The following PDE3A variants were observed in gnomAD, a reference collection of about 807,000 sequenced individuals.
PDE3A encodes the protein cGMP-inhibited 3',5'-cyclic phosphodiesterase 3A.
PDE3A carries 43 observed loss-of-function variants against 98.3 expected under a neutral mutation model. The observed-to-expected ratio is 0.44, with a 90% CI of 0.34 to 0.56. The LOEUF (loss-of-function observed/expected upper bound fraction) is 0.56. Among genes scored for constraint, PDE3A ranks in the 20% least tolerant of loss-of-function variants. The probability of loss-of-function intolerance (pLI) is 0.01; values close to 1 mark genes in which losing one functional copy is unlikely to be tolerated. For missense variants in PDE3A, 1,427 were observed against 1,440.7 expected (o/e 0.99, Z 0.15); for synonymous variants, 663 against 567.9 (o/e 1.17, Z -2.38).
chr12:20,674,063 A>AT (rs1945568765), intron 15 of PDE3A, among the ~76,000 whole-genome samples: 2 of 151,870 alleles, frequency 1.3e-5, no homozygotes, highest in Admixed American at 1.3e-4. Flanking sequence ...TTTATTTCTA[A>AT]TTTTTTATAG....
At chr12:20,521,079 A>T (rs929361929) in intron 1 of PDE3A, among the ~76,000 whole-genome samples, 19 of 150,988 alleles carry the variant, frequency 1.3e-4, no homozygotes, top group African/African-American at 4.6e-4. Flanking sequence ...TATTTGTTGT[A>T]TACCTTTTCC....
rs1281709699 is a variant in PDE3A at position 20,412,142 on chromosome 12, G to GTA, written c.960+41899_960+41900dup. 2.6e-5 allele frequency among the ~76,000 whole-genome samples: 4 copies of GTA among 152,226 alleles called. No individual in the cohort carries two copies. In the East Asian group the frequency reaches 7.7e-4, roughly 29 times the overall value. ...TTTAAACACTGTTGTTGACTGTGTT[G>GTA]TACTGGTTAGAAGCCATATTAACTA... On this transcript the variant is annotated intron_variant, in intron 1 of 15. Transcript: ENST00000359062.
At chr12:20,675,827 C>T (rs1415441324) in intron 15 of PDE3A, among the ~76,000 whole-genome samples, 1 of 152,116 alleles carries the variant, frequency 6.6e-6, no homozygotes, top group East Asian at 1.9e-4. Flanking sequence ...TCTTTCACTT[C>T]TAGTCTATAT....
intron 1 of PDE3A, among the ~76,000 whole-genome samples, chr12:20,445,002 AG>A (rs1944931835): frequency 6.6e-6 from 1 of 152,254 alleles, no homozygotes; most frequent in Non-Finnish European, 1.5e-5. Flanking sequence ...GTCAAGCCTT[AG>A]AAAACACCTC....
intron 15 of PDE3A, among the ~76,000 whole-genome samples, chr12:20,667,036 G>A (rs1262441278): frequency 6.6e-6 from 1 of 152,164 alleles, no homozygotes; most frequent in Non-Finnish European, 1.5e-5. Context: ...GTGATATTGA[G>A]CATTTTTTCA....
chr12:20,601,579 G>A (rs1943592820), intron 2 of PDE3A, among the ~76,000 whole-genome samples: 1 of 152,154 alleles, frequency 6.6e-6, no homozygotes. Flanking sequence ...AATTGTGCAT[G>A]GGAAGAAGTC....
chr12:20,573,857 C>T lies in PDE3A; in HGVS notation c.1011+17147C>T, dbSNP rs531440683. Among the ~76,000 whole-genome samples, 34 of 152,058 alleles carry T rather than the reference C, an allele frequency of 2.2e-4. No individual in the cohort carries two copies. In the South Asian group the frequency reaches 2.3e-3, roughly 10 times the overall value. Reference sequence around the variant, plus strand: ...TTTAAATAACTACAAGGTCAATCTTCGAGTAGTGGGTTTTCCAAACAGTCT... The same window carrying T: ...TTTAAATAACTACAAGGTCAATCTTTGAGTAGTGGGTTTTCCAAACAGTCT... On this transcript the variant is annotated intron_variant, in intron 2 of 15. Transcript: ENST00000359062.
chr12:20,633,376 C>A (rs1231169158), intron 6 of PDE3A, among the ~76,000 whole-genome samples: 2 of 152,058 alleles, frequency 1.3e-5, no homozygotes, highest in Admixed American at 6.6e-5. Context: ...GCAGCCTATA[C>A]CAGTATTCTC....
At chr12:20,585,238 A>G (rs978936022) in intron 2 of PDE3A, among the ~76,000 whole-genome samples, 9 of 152,316 alleles carry the variant, frequency 5.9e-5, no homozygotes, top group Admixed American at 5.2e-4. Flanking sequence ...ATCAGCAGCT[A>G]CTAATGACCT....
In PDE3A at chr12:20,369,736, T is replaced by C; in HGVS notation, c.452T>C (p.Leu151Pro). The change falls in exon 1 of 16, where the codon CTG becomes CCG. Residue 151 changes from leucine to proline, a missense_variant. Leu to Pro is a moderately conservative substitution (Grantham distance 98). Transcript: ENST00000359062. ...TTCTTCTGGATGGGCTTGTACCTCC[T>C]GCGCGCCGGGGTGCGCCTGCCTCTG... is the stretch of plus-strand genomic sequence containing the variant. ...CAFFWMGLYLLRAGVRLPLAV... is the reference protein window; with the variant it reads ...CAFFWMGLYLPRAGVRLPLAV... The C allele has an allele frequency of 1.9e-6, 3 of 1,612,294 alleles. No individual in the cohort carries two copies. The South Asian group carries it at 3.3e-5, about 18-fold the overall frequency.
At chr12:20,623,333 G>A (rs1005656882) in intron 5 of PDE3A, among the ~76,000 whole-genome samples, 31 of 152,148 alleles carry the variant, frequency 2.0e-4, no homozygotes, top group African/African-American at 7.2e-4. Context: ...AAACTCACAC[G>A]TAGATACAAA....
chr12:20,452,478 C>T (rs1945082170), intron 1 of PDE3A, among the ~76,000 whole-genome samples: 1 of 152,182 alleles, frequency 6.6e-6, no homozygotes, highest in South Asian at 2.1e-4. Flanking sequence ...AAATGGTCAT[C>T]CTCTTCTCCT....
chr12:20,526,155 G>A (rs1946513585), intron 1 of PDE3A, among the ~76,000 whole-genome samples: 3 of 152,256 alleles, frequency 2.0e-5, no homozygotes, highest in Non-Finnish European at 4.4e-5. Flanking sequence ...CACTTGAGGG[G>A]TGAGACATAT....
intron 1 of PDE3A, among the ~76,000 whole-genome samples, chr12:20,513,659 G>T (rs920347293): frequency 2.6e-5 from 4 of 151,892 alleles, no homozygotes; most frequent in African/African-American, 9.7e-5. Flanking sequence ...ATTTTTTTAT[G>T]ACCTTTTCAT....
intron 15 of PDE3A, 59 bp downstream of exon 15, chr12:20,654,264 T>A: frequency 6.6e-7 from 1 of 1,506,898 alleles, no homozygotes; most frequent in Non-Finnish European, 9.2e-7. Context: ...TTACTTTAGA[T>A]GAATTTTATG....
intron 1 of PDE3A, among the ~76,000 whole-genome samples, chr12:20,484,845 A>G (rs571428917): frequency 2.8e-4 from 42 of 152,296 alleles, no homozygotes; most frequent in African/African-American, 9.9e-4. Context: ...AAAAATTACT[A>G]TATCATCTTC....
intron 2 of PDE3A, among the ~76,000 whole-genome samples, chr12:20,598,987 C>T (rs1943529223): frequency 6.6e-6 from 1 of 152,130 alleles, no homozygotes; most frequent in Non-Finnish European, 1.5e-5. Context: ...CCTTGTCAGC[C>T]ATCTTTCGTC....
At position 20,462,718 on chromosome 12, in the gene PDE3A, C is replaced by T. The variant is rs187064402; in HGVS notation, c.960+92474C>T. ...ATTTACTCTAAACATTTACTTCAAG[C>T]TTTCATGCAATTTGGTATTCATTTG... On this transcript the variant is annotated intron_variant, in intron 1 of 15. Coordinates refer to ENST00000359062, the MANE Select transcript of PDE3A (RefSeq NM_000921.5). Among the ~76,000 whole-genome samples, 79 of 152,050 alleles carry T rather than the reference C, an allele frequency of 5.2e-4. 1 individual carries two copies. The East Asian group carries it at 0.014, about 27-fold the overall frequency.
At chr12:20,545,818 A>C (rs1412587820) in intron 1 of PDE3A, among the ~76,000 whole-genome samples, 1 of 151,790 alleles carries the variant, frequency 6.6e-6, no homozygotes, top group Non-Finnish European at 1.5e-5. Flanking sequence ...AAAAAACCTG[A>C]AAAAACAAAA....
Sources: gnomAD v4.1 joint callset for allele counts (sites outside exome capture counted in the v4.1 genomes callset) on GRCh38, gnomAD v4.1.1 for gene constraint, MANE v1.5 for transcripts, NCBI Gene and HGNC (gene_info 2026-07-23, HGNC 2026-07-21) for gene names.